SFT2D2: variants seen among roughly 807,000 people sequenced by gnomAD.
SFT2D2 encodes the protein vesicle transport protein SFT2B.
In SFT2D2, 21 loss-of-function variants were observed where a neutral mutation model predicts 27.4. The ratio of observed to expected loss-of-function variants is 0.77; its 90% confidence interval spans 0.54 to 1.10. The LOEUF (loss-of-function observed/expected upper bound fraction) is 1.10, where lower values mean the gene tolerates loss of function less well. Among genes scored for constraint, SFT2D2 ranks in the 50% least tolerant of loss-of-function variants. The probability of loss-of-function intolerance (pLI) is 0.00; values close to 1 mark genes in which losing one functional copy is unlikely to be tolerated. For missense variants in SFT2D2, 187 were observed against 194.2 expected, an observed-to-expected ratio of 0.96 and a Z score of 0.22; for synonymous variants, 72 against 71.7, an observed-to-expected ratio of 1.00 and a Z score of -0.02.
chr1:168,236,935 C>A (rs1369910752), intron 6 of SFT2D2, among the ~76,000 whole-genome samples, 165 bp downstream of exon 6: 1 of 152,202 alleles, frequency 6.6e-6, no homozygotes, highest in African/African-American at 2.4e-5. Flanking sequence ...GAGCAAATGC[C>A]TATCAACCCA....
chr1:168,226,961 A>G (rs1229127032), intron 1 of SFT2D2, among the ~76,000 whole-genome samples: 2 of 151,976 alleles, frequency 1.3e-5, no homozygotes, highest in African/African-American at 2.4e-5. Flanking sequence ...CTGGGATTAC[A>G]GACACCCGCC....
rs1230578116 is a variant in SFT2D2 at position 168,239,147 on chromosome 1, A to G, written c.430A>G (p.Ile144Val). The G allele has an allele frequency of 6.2e-7, 1 of 1,607,712 alleles. No homozygotes were observed. Among genetic ancestry groups the G allele is most frequent in the Admixed American group, 1.7e-5 (1 of 60,008 alleles). Residue 144 changes from isoleucine to valine, a missense_variant, in exon 7 of 8, where the codon ATA (isoleucine) becomes GTA (valine). Coordinates refer to ENST00000271375, the MANE Select transcript of SFT2D2 (RefSeq NM_199344.3). ...TCATTATAGGTACAGCCTTTCCTTC[A>G]TACCATTTGCAAGGTAAGACTGTGT... ...LALTWYSLSF[I>V]PFARDAVKKC...
At chr1:168,231,952 AT>A in intron 3 of SFT2D2, 33 bp downstream of exon 3, 1 of 1,579,622 alleles carries the variant, frequency 6.3e-7, no homozygotes, top group Non-Finnish European at 8.7e-7. Flanking sequence ...ATTTTAGCCA[AT>A]CATTAGATGG....
chr1:168,235,079 TG>T, intron 3 of SFT2D2, 21 bp from the exon 4 acceptor site: 2 of 1,612,382 alleles, frequency 1.2e-6, no homozygotes, highest in South Asian at 2.2e-5. Context: ...GAACGGCTTG[TG>T]TGCGTGTGTT....
chr1:168,236,693 C>T lies in SFT2D2; in HGVS notation c.355-19C>T. On this transcript the variant is annotated intron_variant, in intron 5 of 7. Transcript: ENST00000271375. ...CCCTTGTCTCACACTCTCCTATAAC[C>T]ATATTATTATTTTTCCAGTGGCATA... 6.2e-7 allele frequency: 1 copy of T among 1,613,882 alleles called. No individual in the cohort carries two copies. Among genetic ancestry groups the T allele is most frequent in the Admixed American group, 1.7e-5 (1 of 60,000 alleles).
intron 4 of SFT2D2, 45 bp from the exon 5 acceptor site, chr1:168,236,544 C>A: frequency 6.4e-7 from 1 of 1,561,320 alleles, no homozygotes; most frequent in Non-Finnish European, 8.7e-7. Context: ...TTTTTTTTTC[C>A]TGCCATGTTA....
rs1173892733 is a variant in SFT2D2, at chr1:168,246,886, T to A, written c.*4346T>A. ...TCATGCTTTCTTTTTATAATTTCAATGTCTTTTAAGTATTTCTTTTCCAGG... is the reference window on the plus strand; with the variant it reads ...TCATGCTTTCTTTTTATAATTTCAAAGTCTTTTAAGTATTTCTTTTCCAGG... On this transcript the variant is annotated 3_prime_UTR_variant, in exon 8 of 8. Coordinates refer to ENST00000271375, the MANE Select transcript of SFT2D2 (RefSeq NM_199344.3). The A allele has an allele frequency of 3.4e-6, 2 of 588,668 alleles. No homozygotes were observed. The highest frequency in any genetic ancestry group is 6.2e-6 in the Non-Finnish European group (2 of 320,442). 36.5% of individuals were successfully genotyped at this position (588,668 alleles called of 1,614,324 possible).
Position 168,246,846 on chromosome 1 carries a change from G to A in SFT2D2, c.*4306G>A, listed in dbSNP as rs1338710492. On this transcript the variant is annotated 3_prime_UTR_variant, in exon 8 of 8. Coordinates refer to ENST00000271375, the MANE Select transcript of SFT2D2 (RefSeq NM_199344.3). ...TGATTTTTCCCCATTCTGTTTTAGA[G>A]CCTTTTGAAGGTCTTCATGCTTTCT... 1 of 663,534 alleles carries A rather than the reference G, an allele frequency of 1.5e-6. No individual in the cohort carries two copies. The highest frequency in any genetic ancestry group is 2.6e-6 in the Non-Finnish European group (1 of 383,664). 41.1% of individuals were successfully genotyped at this position (663,534 alleles called of 1,614,324 possible).
intron 1 of SFT2D2, among the ~76,000 whole-genome samples, chr1:168,227,240 A>G (rs1700471938): frequency 1.3e-5 from 2 of 152,238 alleles, no homozygotes; most frequent in South Asian, 4.1e-4. Context: ...TTTGGATGAC[A>G]AAATAACGTT....
Position 168,247,071 on chromosome 1 carries a change from TTC to T in SFT2D2, c.*4533_*4534del. On this transcript the variant is annotated 3_prime_UTR_variant, in exon 8 of 8. Coordinates refer to ENST00000271375, the MANE Select transcript of SFT2D2 (RefSeq NM_199344.3). ...TCAAGTTTTTGATATTCTGTGATAT[TTC>T]TTTTTTTTCAGATAGTCTCTTTTGT... 2.5e-6 allele frequency: 1 copy of T among 399,878 alleles called. No individual in the cohort carries two copies. The highest frequency in any genetic ancestry group is 2.0e-5 in the South Asian group (1 of 49,424). The allele number at this position is 399,878 out of a possible 1,614,324, so 24.8% of individuals were successfully genotyped here.
chr1:168,234,778 G>GGA (rs758704041), intron 3 of SFT2D2, among the ~76,000 whole-genome samples: 36 of 152,164 alleles, frequency 2.4e-4, no homozygotes, highest in Non-Finnish European at 4.4e-4. Context: ...CACCTCTCAA[G>GGA]GAGAAGGCTT....
At chr1:168,236,473 C>G in intron 4 of SFT2D2, 116 bp from the exon 5 acceptor site, 2 of 994,148 alleles carry the variant, frequency 2.0e-6, no homozygotes, top group Non-Finnish European at 3.0e-6. Flanking sequence ...GGTGGGTTAA[C>G]TGCTTTGAGA....
intron 6 of SFT2D2, among the ~76,000 whole-genome samples, chr1:168,238,499 A>G (rs1647563278): frequency 1.3e-5 from 2 of 151,808 alleles, no homozygotes. Flanking sequence ...CTGCAAAAAA[A>G]CAAACAAACA....
rs1647681462 is a variant in SFT2D2 at position 168,242,694 on chromosome 1, T to A, written c.*154T>A. ...GATTCGAACATTTGAGGGTTACTTT[T>A]GGAAGCAACAATACATTCTCGAACC... On this transcript the variant is annotated 3_prime_UTR_variant, in exon 8 of 8. Transcript: ENST00000271375. 1 of 888,550 alleles carries A rather than the reference T, an allele frequency of 1.1e-6. No individual in the cohort carries two copies. Among genetic ancestry groups the A allele is most frequent in the East Asian group, 2.5e-5 (1 of 40,092 alleles). 55.0% of individuals were successfully genotyped at this position (888,550 alleles called of 1,614,324 possible). A position where few individuals can be genotyped will look rare whatever the true frequency, so the allele number is the denominator to read the frequency against.
Position 168,244,393 on chromosome 1 carries a change from G to C in SFT2D2, c.*1853G>C, listed in dbSNP as rs1484222371. 6.6e-6 allele frequency: 1 copy of C among 152,202 alleles called. No homozygotes were observed. The highest frequency in any genetic ancestry group is 1.5e-5 in the Non-Finnish European group (1 of 68,178). 9.4% of individuals were successfully genotyped at this position (152,202 alleles called of 1,614,324 possible). A position where few individuals can be genotyped will look rare whatever the true frequency, so the allele number is the denominator to read the frequency against. ...AGGGTTTCACCATGTTGGCCAAGCT[G>C]GTCTGGAACTCCTGACCTCAGGTAA... On this transcript the variant is annotated 3_prime_UTR_variant, in exon 8 of 8. Coordinates refer to ENST00000271375, the MANE Select transcript of SFT2D2 (RefSeq NM_199344.3).
chr1:168,246,539 C>T lies in SFT2D2; in HGVS notation c.*3999C>T, dbSNP rs1465108194. On this transcript the variant is annotated 3_prime_UTR_variant, in exon 8 of 8. Transcript: ENST00000271375. ...GTTTTGAGGCACCTGGACTTACTCT[C>T]AGCTTTAGAAAGTTGCTGAGAAAGA... 2.4e-5 allele frequency: 36 copies of T among 1,504,950 alleles called. No individual in the cohort carries two copies. The highest frequency in any genetic ancestry group is 1.8e-4 in the Admixed American group (10 of 56,434). The allele number at this position is 1,504,950 out of a possible 1,614,324, so 93.2% of individuals were successfully genotyped here. A position where few individuals can be genotyped will look rare whatever the true frequency, so the allele number is the denominator to read the frequency against.
At chr1:168,231,741 G>C in intron 2 of SFT2D2, 93 bp from the exon 3 acceptor site, 1 of 1,466,760 alleles carries the variant, frequency 6.8e-7, no homozygotes, top group East Asian at 2.3e-5. Flanking sequence ...GGTGGGGAGG[G>C]AAACGGACTC....
chr1:168,236,515 A>G, intron 4 of SFT2D2, 74 bp from the exon 5 acceptor site: 1 of 1,442,780 alleles, frequency 6.9e-7, no homozygotes, highest in Non-Finnish European at 9.6e-7. Context: ...GCATTTGTGA[A>G]GAATAACAAG....
At chr1:168,235,019 A>G in intron 3 of SFT2D2, 82 bp from the exon 4 acceptor site, 1 of 1,184,210 alleles carries the variant, frequency 8.4e-7, no homozygotes, top group Non-Finnish European at 1.3e-6. Context: ...TACTATTGCC[A>G]CAGGAAATCT....
Sources: allele counts gnomAD v4.1 joint callset (sites outside exome capture counted in the v4.1 genomes callset), GRCh38; gene constraint gnomAD v4.1.1; transcripts MANE v1.5; gene names NCBI Gene and HGNC (gene_info 2026-07-23, HGNC 2026-07-21).